The following AKAP13 variants were observed in gnomAD, a reference collection of about 807,000 sequenced individuals.
AKAP13 encodes A-kinase anchoring protein 13.
AKAP13 carries 80 observed loss-of-function variants against 264.5 expected under a neutral mutation model. The observed-to-expected ratio is 0.30, with a 90% CI of 0.25 to 0.36. The LOEUF is 0.36. Ranked by LOEUF, AKAP13 falls within the 10% of genes least tolerant of loss-of-function variation. The probability of loss-of-function intolerance (pLI) is 1.00; values close to 1 mark genes in which losing one functional copy is unlikely to be tolerated. For missense variants in AKAP13, 3,712 were observed against 3,435.2 expected, an observed-to-expected ratio of 1.08 and a Z score of -2.01; for synonymous variants, 1,380 against 1,250.2, an observed-to-expected ratio of 1.10 and a Z score of -2.19.
intron 8 of AKAP13, among the ~76,000 whole-genome samples, chr15:85,592,057 T>C: frequency 6.6e-6 from 1 of 151,024 alleles, no homozygotes; most frequent in East Asian, 1.9e-4. Context: ...TTTTTTTTTT[T>C]TTTTTTTTTT....
At chr15:85,394,694 A>G (rs573682032) in intron 1 of AKAP13, among the ~76,000 whole-genome samples, 39 of 152,238 alleles carry the variant, frequency 2.6e-4, no homozygotes, top group African/African-American at 5.5e-4. Context: ...AGTAGTCCCA[A>G]TTTAGCTGGG....
At chr15:85,661,913 A>AC (rs953814590) in intron 12 of AKAP13, among the ~76,000 whole-genome samples, 6 of 152,064 alleles carry the variant, frequency 3.9e-5, no homozygotes. Context: ...AAAAAAAAAA[A>AC]AAAAAACCGG....
chr15:85,475,694 C>T (rs1162544927), intron 1 of AKAP13, among the ~76,000 whole-genome samples: 2 of 152,224 alleles, frequency 1.3e-5, no homozygotes, highest in African/African-American at 4.8e-5. Context: ...TAGCAGAATT[C>T]ATGCTGCCTT....
intron 1 of AKAP13, among the ~76,000 whole-genome samples, chr15:85,451,216 A>G (rs374451570): frequency 6.6e-6 from 1 of 151,776 alleles, no homozygotes; most frequent in Non-Finnish European, 1.5e-5. Flanking sequence ...TGTGTTTCCC[A>G]TTTGCTTGGT....
chr15:85,675,233 T>A (rs1302431623), intron 14 of AKAP13, among the ~76,000 whole-genome samples: 2 of 152,224 alleles, frequency 1.3e-5, no homozygotes, highest in Non-Finnish European at 2.9e-5. Context: ...TAAATCTGTT[T>A]GACATTTGGA....
intron 1 of AKAP13, among the ~76,000 whole-genome samples, chr15:85,432,367 TA>T (rs896840084): frequency 1.1e-3 from 161 of 144,752 alleles, no homozygotes; most frequent in African/African-American, 1.4e-3. Flanking sequence ...CTGCAAATCT[TA>T]AAAAAAAAAA....
At chr15:85,639,529 C>A in intron 9 of AKAP13, 80 bp downstream of exon 9, 1 of 1,032,872 alleles carries the variant, frequency 9.7e-7, no homozygotes. Context: ...TCTGCCCTTC[C>A]TTAGCATGTT....
At chr15:85,545,550 A>G (rs1016348185) in intron 5 of AKAP13, among the ~76,000 whole-genome samples, 1 of 152,240 alleles carries the variant, frequency 6.6e-6, no homozygotes, top group African/African-American at 2.4e-5. Flanking sequence ...GGAGATTGGT[A>G]AGGGAAAACC....
chr15:85,484,261 G>A (rs2075453885), intron 1 of AKAP13, among the ~76,000 whole-genome samples: 1 of 150,480 alleles, frequency 6.6e-6, no homozygotes, highest in Admixed American at 6.6e-5. Context: ...TGAATCTGAT[G>A]GGCTTGAAAT....
chr15:85,678,802 G>C (rs781257500), intron 14 of AKAP13, among the ~76,000 whole-genome samples: 5 of 151,982 alleles, frequency 3.3e-5, no homozygotes, highest in Non-Finnish European at 5.9e-5. Context: ...CTGGGAGGCA[G>C]ATGTTGCAGT....
chr15:85,630,150 T>G (rs10520598), intron 8 of AKAP13, among the ~76,000 whole-genome samples: 29,368 of 147,592 alleles, frequency 0.2, 3,940 homozygotes, highest in Middle Eastern at 0.41. Flanking sequence ...TTCTCTATTC[T>G]CTGTTTTTTA....
intron 16 of AKAP13, chr15:85,685,168 G>T (rs1020082986): frequency 9.0e-5 from 22 of 244,108 alleles, no homozygotes; most frequent in African/African-American, 5.0e-4. Context: ...GTACCTTACC[G>T]AGGATACTCC....
chr15:85,494,950 A>G (rs2075830764), intron 2 of AKAP13, among the ~76,000 whole-genome samples: 2 of 152,304 alleles, frequency 1.3e-5, no homozygotes, highest in Middle Eastern at 3.4e-3. Flanking sequence ...TGGAGTGAAC[A>G]GGTGAGGATT....
chr15:85,464,787 C>T (rs896334652), intron 1 of AKAP13, among the ~76,000 whole-genome samples: 1 of 152,122 alleles, frequency 6.6e-6, no homozygotes. Flanking sequence ...AAGGTTATGT[C>T]GGTTTAGAAT....
At chr15:85,622,247 A>C (rs2081226737) in intron 8 of AKAP13, among the ~76,000 whole-genome samples, 1 of 152,180 alleles carries the variant, frequency 6.6e-6, no homozygotes, top group African/African-American at 2.4e-5. Flanking sequence ...AATGGGCAGA[A>C]CTATTTCAGA....
Position 85,489,552 on chromosome 15 carries a change from C to T in AKAP13, c.33+3799C>T, listed in dbSNP as rs1160460180. Among the ~76,000 whole-genome samples, 3 of 152,082 alleles carry T rather than the reference C, an allele frequency of 2.0e-5. No homozygotes were observed. In the East Asian group the frequency reaches 5.8e-4, roughly 29 times the overall value. On this transcript the variant is annotated intron_variant, in intron 2 of 36. Coordinates refer to ENST00000394518, the MANE Select transcript of AKAP13 (RefSeq NM_007200.5). ...GTGGGGGAAGTTCTCTGCACCTGGA[C>T]AAAGAAATAAGCAAGAGAACAAAGA...
chr15:85,673,319 C>A (rs1247962211), intron 14 of AKAP13, among the ~76,000 whole-genome samples: 1 of 152,066 alleles, frequency 6.6e-6, no homozygotes, highest in African/African-American at 2.4e-5. Context: ...CTTTAGGAAC[C>A]ACAGAGGACG....
intron 1 of AKAP13, among the ~76,000 whole-genome samples, chr15:85,443,268 T>C (rs866562117): frequency 5.9e-5 from 9 of 152,258 alleles, no homozygotes; most frequent in Admixed American, 1.3e-4. Flanking sequence ...TGCTTTCAAC[T>C]CTGAGGCCCT....
chr15:85,642,295 AG>A (rs1409225979), intron 9 of AKAP13, among the ~76,000 whole-genome samples: 3 of 152,174 alleles, frequency 2.0e-5, no homozygotes, highest in Admixed American at 2.0e-4. Flanking sequence ...GGCAACTGAG[AG>A]GGGTGAAATT....
Sources: allele counts gnomAD v4.1 joint callset (sites outside exome capture counted in the v4.1 genomes callset), GRCh38; gene constraint gnomAD v4.1.1; transcripts MANE v1.5; gene names NCBI Gene and HGNC (gene_info 2026-07-23, HGNC 2026-07-21).